The following EMC1 variants were observed in gnomAD, a reference collection of about 807,000 sequenced individuals.
EMC1 encodes KIAA0090.
Under a neutral mutation model 128.8 loss-of-function variants are expected in EMC1, and 103 were observed. The observed-to-expected ratio is 0.80, with a 90% confidence interval of 0.68 to 0.94. EMC1 has a LOEUF of 0.94. Ranked by LOEUF, EMC1 falls within the 40% of genes least tolerant of loss-of-function variation. EMC1 has a pLI of 0.00. For synonymous variants in EMC1, 442 were observed against 490.4 expected, an observed-to-expected ratio of 0.90 and a Z score of 1.30; for missense variants, 1,083 against 1,250.6, an observed-to-expected ratio of 0.87 and a Z score of 2.02.
chr1:19,236,483 C>T (rs1247860915), intron 12 of EMC1, among the ~76,000 whole-genome samples: 2 of 148,406 alleles, frequency 1.3e-5, no homozygotes, highest in South Asian at 2.1e-4. Flanking sequence ...ATGGTGAAAC[C>T]CCATCTCTAC....
At chr1:19,226,083 C>A (rs1013163475) in intron 18 of EMC1, among the ~76,000 whole-genome samples, 1 of 152,174 alleles carries the variant, frequency 6.6e-6, no homozygotes, top group Non-Finnish European at 1.5e-5. Flanking sequence ...GCTTTACCGT[C>A]AAGTTCCGTG....
At chr1:19,249,002 G>A (rs2093644665) in intron 1 of EMC1, among the ~76,000 whole-genome samples, 1 of 151,978 alleles carries the variant, frequency 6.6e-6, no homozygotes, top group African/African-American at 2.4e-5. Context: ...ATATCTGCCT[G>A]GGGAACATAG....
Position 19,235,241 on chromosome 1 carries a change from C to A in EMC1, c.1321G>T (p.Val441Leu). ...AGGGACTCCTCACGGCTCCACAGCA[C>A]CACCTTCCCTGCTACAGGAAACATT... ...LFLQQLAGKV[V>L]LWSREESLAE... The change falls in exon 13 of 23, where the codon GTG (valine) becomes TTG (leucine). Residue 441 changes from valine (V) to leucine (L), a missense_variant. This residue lies in a region of EMC1 where 544 missense variants were observed against 572.4 expected (regional missense o/e 0.95). Coordinates refer to ENST00000477853, the MANE Select transcript of EMC1 (RefSeq NM_015047.3). 2 of 1,612,628 alleles carry A rather than the reference C, an allele frequency of 1.2e-6. No individual in the cohort carries two copies. The highest frequency in any genetic ancestry group is 1.7e-6 in the Non-Finnish European group (2 of 1,179,278).
rs1275253529 is a variant in EMC1, at chr1:19,232,784, A to T, written c.1633-11T>A. 1.2e-6 allele frequency: 2 copies of T among 1,614,100 alleles called. No individual in the cohort carries two copies. The highest frequency in any genetic ancestry group is 1.7e-6 in the Non-Finnish European group (2 of 1,179,934). ...CTCAATGCCAAAAAGCTGCAAGATAAACAAATACTTGGCTCACTACTAGAA... is the reference window on the plus strand; with the variant it reads ...CTCAATGCCAAAAAGCTGCAAGATATACAAATACTTGGCTCACTACTAGAA... On this transcript the variant is annotated splice_polypyrimidine_tract_variant and intron_variant, in intron 14 of 22. Coordinates refer to ENST00000477853, the MANE Select transcript of EMC1 (RefSeq NM_015047.3).
chr1:19,247,224 G>A (rs1223917149), intron 1 of EMC1, among the ~76,000 whole-genome samples: 7 of 152,186 alleles, frequency 4.6e-5, no homozygotes, highest in Non-Finnish European at 5.9e-5. Flanking sequence ...TTTATTATTT[G>A]AGATGGGATC....
chr1:19,243,165 G>A (rs1293939449), intron 4 of EMC1, among the ~76,000 whole-genome samples: 1 of 152,144 alleles, frequency 6.6e-6, no homozygotes, highest in Non-Finnish European at 1.5e-5. Context: ...AACCTGGGAG[G>A]TGAAGGTTGC....
intron 17 of EMC1, among the ~76,000 whole-genome samples, chr1:19,230,422 T>G (rs1434333648): frequency 2.0e-5 from 3 of 147,970 alleles, no homozygotes; most frequent in African/African-American, 7.5e-5. Flanking sequence ...TACAAAAAAT[T>G]AGCCGGGCGC....
At chr1:19,243,774 TGAG>T (rs2093618970) in intron 3 of EMC1, 67 bp from the exon 4 acceptor site, 1 of 1,524,144 alleles carries the variant, frequency 6.6e-7, no homozygotes, top group African/African-American at 1.4e-5. Flanking sequence ...GGTCCCACTG[TGAG>T]CAGTGGCCTC....
intron 12 of EMC1, among the ~76,000 whole-genome samples, chr1:19,236,419 G>C (rs540708768): frequency 6.6e-6 from 1 of 151,800 alleles, no homozygotes; most frequent in Admixed American, 6.6e-5. Flanking sequence ...CACTTTGGGA[G>C]GCCGAGGCAG....
In EMC1 at chr1:19,233,174, A is replaced by G. The variant is rs746293992; in HGVS notation, c.1433-39T>C. 2.6e-6 allele frequency: 4 copies of G among 1,554,928 alleles called. No homozygotes were observed. In the African/African-American group the frequency reaches 5.4e-5, roughly 21 times the overall value. On this transcript the variant is annotated intron_variant, in intron 13 of 22. Coordinates refer to ENST00000477853, the MANE Select transcript of EMC1 (RefSeq NM_015047.3). ...AAAGTAACATACTCTACATCAGACT[A>G]GGGGTCCATAAGGAGGTACATGATT...
intron 2 of EMC1, 112 bp from the exon 3 acceptor site, chr1:19,244,127 G>T: frequency 9.7e-7 from 1 of 1,027,034 alleles, no homozygotes; most frequent in Non-Finnish European, 1.5e-6. Context: ...TTTATCTCGA[G>T]GGAGTGAAGG....
chr1:19,223,487 A>G lies in EMC1; in HGVS notation c.2285T>C (p.Ile762Thr). 2 of 1,614,188 alleles carry G rather than the reference A, an allele frequency of 1.2e-6. No homozygotes were observed. The highest frequency in any genetic ancestry group is 1.7e-6 in the Non-Finnish European group (2 of 1,180,012). Residue 762 changes from isoleucine (I) to threonine (T), a missense_variant, in exon 19 of 23, where the codon ATT (isoleucine) becomes ACT (threonine). By Grantham distance (89) the Ile-to-Thr change is moderately conservative. Around this residue, in one of 3 missense-constraint regions of EMC1, gnomAD observed 527 missense variants for 644.1 expected, o/e 0.82. Transcript: ENST00000477853. ...AATGATACGCCCAGTGACGCCATCAATGAGGAAGATGCCAATAAAGGTGCG... is the reference window on the plus strand; with the variant it reads ...AATGATACGCCCAGTGACGCCATCAGTGAGGAAGATGCCAATAAAGGTGCG... ...HERTFIGIFL[I>T]DGVTGRIIHS...
intron 1 of EMC1, among the ~76,000 whole-genome samples, chr1:19,248,946 TGCTAGGGAG>T (rs1346453389): frequency 1.3e-5 from 2 of 152,164 alleles, no homozygotes; most frequent in Non-Finnish European, 2.9e-5. Flanking sequence ...TAATCCCAGT[TGCTAGGGAG>T]GCTGAGGCAG....
At chr1:19,248,845 GA>G (rs533879802) in intron 1 of EMC1, among the ~76,000 whole-genome samples, 4 of 149,982 alleles carry the variant, frequency 2.7e-5, no homozygotes, top group South Asian at 2.1e-4. Flanking sequence ...GTTTAAGACT[GA>G]AAAAAAAAAT....
At chr1:19,242,299 A>T (rs751026896) in intron 5 of EMC1, 46 bp downstream of exon 5, 31 of 1,609,070 alleles carry the variant, frequency 1.9e-5, no homozygotes, top group South Asian at 8.8e-5. Flanking sequence ...AGGAGCTCCT[A>T]GAGAGTAGAA....
intron 5 of EMC1, 146 bp from the exon 6 acceptor site, chr1:19,241,288 T>C (rs1233967439): frequency 2.4e-6 from 2 of 848,482 alleles, no homozygotes; most frequent in African/African-American, 1.7e-5. Flanking sequence ...GGGCTTTTGT[T>C]GTTGTTGTTC....
chr1:19,236,553 G>C (rs12134880), intron 12 of EMC1, among the ~76,000 whole-genome samples: 1 of 151,602 alleles, frequency 6.6e-6, no homozygotes, highest in Non-Finnish European at 1.5e-5. Context: ...CTACTTGGGA[G>C]GCTGAGGCAG....
At chr1:19,233,170 G>A in intron 13 of EMC1, 35 bp from the exon 14 acceptor site, 1 of 1,565,662 alleles carries the variant, frequency 6.4e-7, no homozygotes. Context: ...CTCTACATCA[G>A]ACTAGGGGTC....
At chr1:19,226,252 TCA>T (rs961750387) in intron 18 of EMC1, among the ~76,000 whole-genome samples, 1 of 152,170 alleles carries the variant, frequency 6.6e-6, no homozygotes, top group African/African-American at 2.4e-5. Context: ...GAGTGTTGGA[TCA>T]CAGAGATGGA....
Sources: gnomAD v4.1 joint callset for allele counts (sites outside exome capture counted in the v4.1 genomes callset) on GRCh38, gnomAD v4.1.1 for gene constraint, gnomAD v4.1.1 regional missense constraint, MANE v1.5 for transcripts, NCBI Gene and HGNC (gene_info 2026-07-23, HGNC 2026-07-21) for gene names.